FARS2: variants seen among roughly 807,000 people sequenced by gnomAD.
The protein encoded by FARS2 is phenylalanine--tRNA ligase, mitochondrial.
In FARS2, 40 loss-of-function variants were observed where a neutral mutation model predicts 46.4. The observed-to-expected ratio is 0.86, with a 90% confidence interval of 0.67 to 1.12. FARS2 has a LOEUF of 1.12. FARS2 is among the 50% of genes most tolerant of loss of function. The pLI is 0.00. For missense variants in FARS2, 513 were observed against 567.9 expected (o/e 0.90, Z 0.98); for synonymous variants, 234 against 214.9 (o/e 1.09, Z -0.78).
At chr6:5,500,359 T>C (rs1398853998) in intron 4 of FARS2, among the ~76,000 whole-genome samples, 1 of 152,200 alleles carries the variant, frequency 6.6e-6, no homozygotes, top group East Asian at 1.9e-4. Context: ...TCTCCCAGGC[T>C]GCAAAGAGCT....
At chr6:5,271,246 T>A (rs548720121) in intron 1 of FARS2, among the ~76,000 whole-genome samples, 2 of 152,152 alleles carry the variant, frequency 1.3e-5, no homozygotes, top group Non-Finnish European at 2.9e-5. Context: ...ATCAACAGTT[T>A]GGGGGCGCTT....
At chr6:5,618,560 CAT>C in intron 6 of FARS2, among the ~76,000 whole-genome samples, 1 of 152,252 alleles carries the variant, frequency 6.6e-6, no homozygotes, top group East Asian at 1.9e-4. Context: ...TTCAGGGAGA[CAT>C]AAACTGCCGA....
At chr6:5,606,181 G>A (rs568655321) in intron 5 of FARS2, among the ~76,000 whole-genome samples, 3 of 151,884 alleles carry the variant, frequency 2.0e-5, no homozygotes, top group Admixed American at 6.6e-5. Flanking sequence ...GATTGAGAGC[G>A]CTGTCAGAGT....
chr6:5,590,221 A>G (rs1220169783), intron 5 of FARS2, among the ~76,000 whole-genome samples: 1 of 152,218 alleles, frequency 6.6e-6, no homozygotes, highest in Non-Finnish European at 1.5e-5. Flanking sequence ...ATAGATGACC[A>G]GTGGCCTTTT....
rs539670209 is a variant in FARS2, at chr6:5,683,277, A to T, written c.1217+69957A>T. 2.6e-4 allele frequency among the ~76,000 whole-genome samples: 40 copies of T among 152,330 alleles called. 1 individual carries two copies. Among genetic ancestry groups the T allele is most frequent in the African/African-American group, 9.4e-4 (39 of 41,562 alleles). On this transcript the variant is annotated intron_variant, in intron 6 of 6. Transcript: ENST00000274680. ...ACTCTGAAGGCAGAATGCACAGGGC[A>T]TGCTCTGTAGGGTGTGAGGAAAAGC... is the stretch of plus-strand genomic sequence containing the variant.
intron 4 of FARS2, among the ~76,000 whole-genome samples, chr6:5,495,934 T>G (rs928617217): frequency 6.6e-6 from 1 of 152,202 alleles, no homozygotes; most frequent in African/African-American, 2.4e-5. Flanking sequence ...AGTATCACGA[T>G]GCCCTGCCTG....
In FARS2 at chr6:5,353,729, T is replaced by TG. The variant is rs1554167428; in HGVS notation, c.-21-14821_-21-14820insG. Reference sequence around the variant, plus strand: ...TTTTTAAATTGTAATATTTGGTGTTTTTTTTTTTTTTTTTTTTTTGCTATT... The same window carrying TG: ...TTTTTAAATTGTAATATTTGGTGTTTGTTTTTTTTTTTTTTTTTTTGCTATT... On this transcript the variant is annotated intron_variant, in intron 1 of 6. Coordinates refer to ENST00000274680, the MANE Select transcript of FARS2 (RefSeq NM_006567.5). Among the ~76,000 whole-genome samples the TG allele has an allele frequency of 7.2e-5, 10 of 139,086 alleles. No individual in the cohort carries two copies. In the East Asian group the frequency reaches 1.0e-3, roughly 14 times the overall value. 91.2% of individuals were successfully genotyped at this position (139,086 alleles called of 152,430 possible).
At chr6:5,528,428 TC>T (rs2150446950) in intron 4 of FARS2, among the ~76,000 whole-genome samples, 1 of 152,320 alleles carries the variant, frequency 6.6e-6, no homozygotes, top group East Asian at 1.9e-4. Context: ...CTCTTCTTCT[TC>T]TGTCACCCCA....
At chr6:5,263,754 C>T (rs549124007) in intron 1 of FARS2, among the ~76,000 whole-genome samples, 9 of 152,154 alleles carry the variant, frequency 5.9e-5, no homozygotes, top group African/African-American at 2.2e-4. Context: ...CATGTGTTAC[C>T]TTCTATTAAA....
chr6:5,519,685 G>A (rs936258142), intron 4 of FARS2, among the ~76,000 whole-genome samples: 4 of 152,268 alleles, frequency 2.6e-5, no homozygotes, highest in East Asian at 1.9e-4. Context: ...CTTAAAGGCA[G>A]TATGACTCTG....
At chr6:5,602,063 G>C (rs1178033304) in intron 5 of FARS2, among the ~76,000 whole-genome samples, 1 of 152,110 alleles carries the variant, frequency 6.6e-6, no homozygotes, top group African/African-American at 2.4e-5. Context: ...CAGTAACTTA[G>C]CCTAAAGGGA....
intron 3 of FARS2, among the ~76,000 whole-genome samples, chr6:5,425,072 T>C (rs1762771141): frequency 6.6e-6 from 1 of 152,228 alleles, no homozygotes; most frequent in Non-Finnish European, 1.5e-5. Context: ...GCAACCCTGA[T>C]ATTAGACCAC....
intron 5 of FARS2, among the ~76,000 whole-genome samples, chr6:5,607,232 T>G (rs544370912): frequency 6.6e-6 from 1 of 151,946 alleles, no homozygotes; most frequent in Non-Finnish European, 1.5e-5. Flanking sequence ...AGTAGCTGAA[T>G]AGAGACACTA....
chr6:5,430,313 T>C (rs1032467267), intron 3 of FARS2, among the ~76,000 whole-genome samples: 3 of 152,150 alleles, frequency 2.0e-5, no homozygotes, highest in Non-Finnish European at 4.4e-5. Context: ...CCTCTGCTCT[T>C]TGCAGGCTTT....
At chr6:5,463,750 G>T (rs1310479636) in intron 4 of FARS2, among the ~76,000 whole-genome samples, 1 of 150,686 alleles carries the variant, frequency 6.6e-6, no homozygotes, top group Non-Finnish European at 1.5e-5. Flanking sequence ...TCATTTTTCT[G>T]TTGCCCTGTG....
intron 1 of FARS2, among the ~76,000 whole-genome samples, chr6:5,296,656 A>G (rs1767916323): frequency 6.6e-6 from 1 of 152,206 alleles, no homozygotes; most frequent in African/African-American, 2.4e-5. Flanking sequence ...GGAACTTCGT[A>G]TGAGTGGAAT....
chr6:5,299,222 C>T (rs1182352215), intron 1 of FARS2, among the ~76,000 whole-genome samples: 1 of 152,206 alleles, frequency 6.6e-6, no homozygotes, highest in Non-Finnish European at 1.5e-5. Context: ...GCTGATATTT[C>T]TGATAGTTCC....
intron 6 of FARS2, chr6:5,695,343 C>T (rs1561806479): frequency 6.6e-6 from 1 of 152,284 alleles, no homozygotes; most frequent in Non-Finnish European, 1.5e-5. Context: ...GACTGGCCCA[C>T]GGGCGGTACG....
intron 6 of FARS2, among the ~76,000 whole-genome samples, chr6:5,669,525 C>G (rs899382453): frequency 2.0e-5 from 3 of 152,132 alleles, no homozygotes; most frequent in African/African-American, 7.2e-5. Flanking sequence ...GGAGAGCCAC[C>G]GTATACGTCA....
Sources: allele counts gnomAD v4.1 joint callset (sites outside exome capture counted in the v4.1 genomes callset), GRCh38; gene constraint gnomAD v4.1.1; transcripts MANE v1.5; gene names NCBI Gene and HGNC (gene_info 2026-07-23, HGNC 2026-07-21).